Variants in COX11 observed in about 807,000 individuals in gnomAD.
The protein encoded by COX11 is cytochrome c oxidase copper chaperone COX11.
A neutral mutation model predicts 29.4 loss-of-function variants in COX11; 18 were observed. The observed-to-expected ratio is 0.61, with a 90% CI of 0.42 to 0.91. The LOEUF is 0.91. Among genes scored for constraint, COX11 ranks in the 40% least tolerant of loss-of-function variants. The pLI, the probability that COX11 is intolerant of heterozygous loss-of-function variation, is 0.00. For synonymous variants in COX11, 131 were observed against 124.0 expected (o/e 1.06, Z -0.38); for missense variants, 312 against 346.0 (o/e 0.90, Z 0.78).
Position 54,962,604 on chromosome 17 carries a change from T to C in COX11, c.*129A>G. On this transcript the variant is annotated 3_prime_UTR_variant, in exon 4 of 4. Transcript: ENST00000299335. ...TTCTCTCAAGTTTAAGTGAAAAAAA[T>C]TAGTTGAGAAAAAATAATTATTTAA... 7.4e-7 allele frequency: 1 copy of C among 1,354,932 alleles called. No homozygotes were observed. Among genetic ancestry groups the C allele is most frequent in the Non-Finnish European group, 9.6e-7 (1 of 1,045,780 alleles). 83.9% of individuals were successfully genotyped at this position (1,354,932 alleles called of 1,614,324 possible).
At chr17:54,963,913 C>T (rs560186277) in intron 2 of COX11, among the ~76,000 whole-genome samples, 2 of 151,936 alleles carry the variant, frequency 1.3e-5, no homozygotes, top group African/African-American at 2.4e-5. Flanking sequence ...AAGGGAATAG[C>T]GAGGCTTAAA....
At position 54,961,317 on chromosome 17, in the gene COX11, A is replaced by C. The variant is rs2077119382; in HGVS notation, c.*1416T>G. The C allele has an allele frequency of 6.4e-7, 1 of 1,551,574 alleles. No homozygotes were observed. Among genetic ancestry groups the C allele is most frequent in the East Asian group, 2.4e-5 (1 of 40,904 alleles). On this transcript the variant is annotated 3_prime_UTR_variant, in exon 4 of 4. Transcript: ENST00000299335. ...GACTCTGTGCAGCTTTGAAGCCTGG[A>C]AGACAATACCTACCAACATGTCAAA...
Position 54,960,464 on chromosome 17 carries a change from C to A in COX11, c.*2269G>T. ...TTTTTACTCATATGTAGCCTGAACT[C>A]CAAAACCAGCTCAATTTTTAATTAC... On this transcript the variant is annotated 3_prime_UTR_variant, in exon 4 of 4. Transcript: ENST00000299335. 1.2e-6 allele frequency: 1 copy of A among 838,194 alleles called. No individual in the cohort carries two copies. Among genetic ancestry groups the A allele is most frequent in the Middle Eastern group, 3.4e-4 (1 of 2,904 alleles). 51.9% of individuals were successfully genotyped at this position (838,194 alleles called of 1,614,324 possible).
At chr17:54,968,662 C>T (rs768277986), upstream of COX11, 1 of 1,591,032 alleles carries the variant, frequency 6.3e-7, no homozygotes, top group Non-Finnish European at 8.6e-7. Flanking sequence ...TCTGAACTAA[C>T]ACCCACCCGC....
At chr17:54,952,094 C>G (rs1432017170) in exon 1 of COX11, 1 of 152,080 alleles carries the variant, frequency 6.6e-6, no homozygotes. Context: ...AAGGCACCTA[C>G]AGTTGAAATT....
downstream of COX11, chr17:54,958,359 T>C (rs1158847152): frequency 1.3e-5 from 2 of 152,186 alleles, no homozygotes; most frequent in Non-Finnish European, 1.5e-5. Context: ...TTCAGTGCAT[T>C]TGAAAAGCAC....
At position 54,962,814 on chromosome 17, in the gene COX11, A is replaced by T; in HGVS notation, c.750T>A (p.Ile250=). Residue 250 remains isoleucine, a synonymous_variant, in exon 4 of 4, where the codon ATT becomes ATA. Transcript: ENST00000299335. ...AAGAAAGAGTGATAAGATCAACTTT[A>T]ATCATTCTTGGATCTTCAGCAAATT... ...DPEFAEDPRM[I]KVDLITLSYT... 6.2e-7 allele frequency: 1 copy of T among 1,613,104 alleles called. No individual in the cohort carries two copies. Among genetic ancestry groups the T allele is most frequent in the Non-Finnish European group, 8.5e-7 (1 of 1,179,292 alleles).
At chr17:54,953,352 C>A (rs898656650) in exon 1 of COX11, 1 of 152,392 alleles carries the variant, frequency 6.6e-6, no homozygotes, top group African/African-American at 2.4e-5. Context: ...CTGGGTAACA[C>A]AGACCCTGTC....
At chr17:54,964,953 G>C in intron 1 of COX11, 101 bp from the exon 2 acceptor site, 1 of 1,182,830 alleles carries the variant, frequency 8.5e-7, no homozygotes, top group Non-Finnish European at 1.2e-6. Context: ...TAATCCATTT[G>C]GAGCCAAGTT....
At position 54,962,266 on chromosome 17, in the gene COX11, G is replaced by A. The variant is rs115018204; in HGVS notation, c.*467C>T. On this transcript the variant is annotated 3_prime_UTR_variant, in exon 4 of 4. Transcript: ENST00000299335. ...TTCTACTTTGAGCTTTTAAAATACT[G>A]ACTATTCATAATGAAGGAAAATAGC... 1,962 of 985,416 alleles carry A rather than the reference G, an allele frequency of 2.0e-3. 36 individuals carry two copies. In the African/African-American group the frequency reaches 0.032, roughly 16 times the overall value. The allele number at this position is 985,416 out of a possible 1,614,324, so 61.0% of individuals were successfully genotyped here.
At chr17:54,967,503 GCCT>G in intron 1 of COX11, among the ~76,000 whole-genome samples, 1 of 152,274 alleles carries the variant, frequency 6.6e-6, no homozygotes, top group South Asian at 2.1e-4. Flanking sequence ...ACTTGTCTTT[GCCT>G]GTGGTTCTCA....
Position 54,960,720 on chromosome 17 carries a change from G to A in COX11, c.*2013C>T, listed in dbSNP as rs2077099472. 1.9e-5 allele frequency: 18 copies of A among 966,724 alleles called. No individual in the cohort carries two copies. The highest frequency in any genetic ancestry group is 2.9e-5 in the Non-Finnish European group (18 of 614,112). 59.9% of individuals were successfully genotyped at this position (966,724 alleles called of 1,614,324 possible). A position where few individuals can be genotyped will look rare whatever the true frequency, so the allele number is the denominator to read the frequency against. On this transcript the variant is annotated 3_prime_UTR_variant, in exon 4 of 4. Coordinates refer to ENST00000299335, the MANE Select transcript of COX11 (RefSeq NM_004375.5). ...ATATTTAGTATTTAAATTTTCTAAG[G>A]GCCATCTGAGTCTGACACTTTGAAA...
chr17:54,954,369 C>T (rs1041596745), exon 1 of COX11: 4 of 152,200 alleles, frequency 2.6e-5, no homozygotes, highest in African/African-American at 9.7e-5. Context: ...TAGACCCGAG[C>T]AAAACCTCTT....
rs1248027669 is a variant in COX11, at chr17:54,962,312, A to G, written c.*421T>C. The G allele has an allele frequency of 4.1e-6, 4 of 987,108 alleles. No homozygotes were observed. Among genetic ancestry groups the G allele is most frequent in the African/African-American group, 3.5e-5 (2 of 57,240 alleles). 61.1% of individuals were successfully genotyped at this position (987,108 alleles called of 1,614,324 possible). On this transcript the variant is annotated 3_prime_UTR_variant, in exon 4 of 4. Coordinates refer to ENST00000299335, the MANE Select transcript of COX11 (RefSeq NM_004375.5). ...ATAGCAACCAACTCTTTTAGACACA[A>G]TAAACATGGTTAGAAGTTCTGGCCT...
chr17:54,968,518 T>C lies in COX11; in HGVS notation c.129A>G (p.Thr43=). 6.2e-7 allele frequency: 1 copy of C among 1,613,370 alleles called. No individual in the cohort carries two copies. The highest frequency in any genetic ancestry group is 8.5e-7 in the Non-Finnish European group (1 of 1,179,990). Residue 43 remains threonine (T), a synonymous_variant, in exon 1 of 4, where the codon ACA becomes ACG. Coordinates refer to ENST00000299335, the MANE Select transcript of COX11 (RefSeq NM_004375.5). ...EPFLRPEWSG[T]GGAERGLRWL... ...ACCTCAGTCCTCTCTCGGCACCTCC[T>C]GTCCCACTCCACTCTGGCCTAAGAA...
At chr17:54,956,117 G>A (rs968089540), downstream of COX11, among the ~76,000 whole-genome samples, 5 of 152,132 alleles carry the variant, frequency 3.3e-5, no homozygotes, top group African/African-American at 1.2e-4. Context: ...CATTCATCTG[G>A]TAATAGACAA....
intron 3 of COX11, 30 bp downstream of exon 3, chr17:54,963,276 A>G (rs757649100): frequency 1.6e-5 from 25 of 1,595,634 alleles, no homozygotes; most frequent in Non-Finnish European, 2.1e-5. Context: ...TATCTTTATC[A>G]TATTCTGTAA....
exon 1 of COX11, chr17:54,953,511 A>C (rs1361296192): frequency 2.0e-5 from 3 of 152,350 alleles, no homozygotes; most frequent in African/African-American, 7.2e-5. Context: ...TACAGGGAAC[A>C]GGTACCTTGG....
rs2077144818 is a variant in COX11 at position 54,962,336 on chromosome 17, C to T, written c.*397G>A. On this transcript the variant is annotated 3_prime_UTR_variant, in exon 4 of 4. Transcript: ENST00000299335. ...AATAAACATGGTTAGAAGTTCTGGCCTATGACTTGAAACAAATAACCCTGA... is the reference window on the plus strand; with the variant it reads ...AATAAACATGGTTAGAAGTTCTGGCTTATGACTTGAAACAAATAACCCTGA... 1.0e-6 allele frequency: 1 copy of T among 988,886 alleles called. No individual in the cohort carries two copies. Among genetic ancestry groups the T allele is most frequent in the Non-Finnish European group, 1.2e-6 (1 of 832,560 alleles). The allele number at this position is 988,886 out of a possible 1,614,324, so 61.3% of individuals were successfully genotyped here.
Sources: allele counts gnomAD v4.1 joint callset (sites outside exome capture counted in the v4.1 genomes callset), GRCh38; gene constraint gnomAD v4.1.1; transcripts MANE v1.5; gene names NCBI Gene and HGNC (gene_info 2026-07-23, HGNC 2026-07-21).